SMYD3: variants seen among roughly 807,000 people sequenced by gnomAD.
SMYD3 encodes SET and MYND domain containing 3.
In SMYD3, 36 loss-of-function variants were observed where a neutral mutation model predicts 57.7. The ratio of observed to expected loss-of-function variants is 0.62; its 90% CI spans 0.48 to 0.82. The LOEUF is 0.82. Among genes scored for constraint, SMYD3 ranks in the 40% least tolerant of loss-of-function variants. The pLI, the probability that SMYD3 is intolerant of heterozygous loss-of-function variation, is 0.00. For missense variants in SMYD3, 515 were observed against 538.8 expected (o/e 0.96, Z 0.44); for synonymous variants, 211 against 195.0 (o/e 1.08, Z -0.68).
At chr1:246,457,527 T>C (rs533431402) in intron 1 of SMYD3, among the ~76,000 whole-genome samples, 4 of 52,796 alleles carry the variant, frequency 7.6e-5, no homozygotes, top group East Asian at 7.6e-4. Context: ...AGCGAGACTC[T>C]GCCTCAAAAA....
intron 5 of SMYD3, chr1:246,113,706 G>A (rs2147995329): frequency 6.6e-6 from 1 of 152,272 alleles, no homozygotes; most frequent in East Asian, 1.9e-4. Context: ...GGTTCCTGTG[G>A]ACAGAAACAT....
At chr1:245,978,865 C>A (rs149890408) in intron 5 of SMYD3, among the ~76,000 whole-genome samples, 2 of 152,328 alleles carry the variant, frequency 1.3e-5, no homozygotes, top group African/African-American at 4.8e-5. Context: ...ACTGAGAAGT[C>A]CTTTCCACCT....
intron 10 of SMYD3, among the ~76,000 whole-genome samples, chr1:245,783,003 T>C (rs1423465875): frequency 1.3e-5 from 2 of 152,214 alleles, no homozygotes; most frequent in Non-Finnish European, 2.9e-5. Context: ...CTGTGCACCA[T>C]GTGGGGCTGG....
chr1:246,143,529 A>G lies in SMYD3; in HGVS notation c.531+183672T>C, dbSNP rs112997303. Among the ~76,000 whole-genome samples, 84 of 152,262 alleles carry G rather than the reference A, an allele frequency of 5.5e-4. 1 individual carries two copies. Among genetic ancestry groups the G allele is most frequent in the African/African-American group, 2.0e-3 (82 of 41,570 alleles). Reference sequence around the variant, plus strand: ...TAAAAATACAAAAAATCAGCCGGCTATAGAGGCATGTGGCTACGGTCCCAG... The same window carrying G: ...TAAAAATACAAAAAATCAGCCGGCTGTAGAGGCATGTGGCTACGGTCCCAG... On this transcript the variant is annotated intron_variant, in intron 5 of 11. Coordinates refer to ENST00000490107, the MANE Select transcript of SMYD3 (RefSeq NM_001167740.2).
intron 9 of SMYD3, among the ~76,000 whole-genome samples, chr1:245,859,562 C>T (rs1252367359): frequency 6.6e-6 from 1 of 152,132 alleles, no homozygotes; most frequent in African/African-American, 2.4e-5. Context: ...TTAATCCCTC[C>T]CCAGTGAATT....
intron 1 of SMYD3, among the ~76,000 whole-genome samples, chr1:246,463,814 A>G: frequency 7.9e-6 from 1 of 127,346 alleles, no homozygotes. Flanking sequence ...CCAGCCTGGG[A>G]GACGGCGAGA....
At chr1:245,804,163 G>A (rs938994654) in intron 10 of SMYD3, among the ~76,000 whole-genome samples, 18 of 151,860 alleles carry the variant, frequency 1.2e-4, no homozygotes, top group Admixed American at 4.6e-4. Flanking sequence ...TGCCCATCTC[G>A]GCCTCCCAAA....
intron 5 of SMYD3, among the ~76,000 whole-genome samples, chr1:246,178,015 T>C (rs889576371): frequency 6.6e-6 from 1 of 152,242 alleles, no homozygotes; most frequent in African/African-American, 2.4e-5. Context: ...CCTATTTGAA[T>C]GTTAATTATT....
At chr1:246,214,329 T>C (rs141954313) in intron 5 of SMYD3, among the ~76,000 whole-genome samples, 63 of 152,168 alleles carry the variant, frequency 4.1e-4, no homozygotes, top group African/African-American at 1.4e-3. Context: ...GTCATAGCAA[T>C]CCAGCTATGA....
intron 1 of SMYD3, among the ~76,000 whole-genome samples, chr1:246,441,322 G>C (rs962173797): frequency 1.3e-5 from 2 of 152,116 alleles, no homozygotes; most frequent in African/African-American, 2.4e-5. Context: ...TGCATAATTT[G>C]TAACTACGCT....
chr1:246,352,715 A>G (rs1319181114), intron 2 of SMYD3, among the ~76,000 whole-genome samples: 1 of 152,186 alleles, frequency 6.6e-6, no homozygotes, highest in Non-Finnish European at 1.5e-5. Flanking sequence ...CAGGTAATCA[A>G]AATGACATAC....
chr1:246,333,630 T>C (rs1172666909), intron 3 of SMYD3, among the ~76,000 whole-genome samples: 1 of 151,894 alleles, frequency 6.6e-6, no homozygotes, highest in Non-Finnish European at 1.5e-5. Flanking sequence ...TCCCAGCACT[T>C]GGGGAGGCCT....
At chr1:245,978,572 G>A (rs773278209) in intron 5 of SMYD3, among the ~76,000 whole-genome samples, 4 of 152,146 alleles carry the variant, frequency 2.6e-5, no homozygotes, top group African/African-American at 4.8e-5. Flanking sequence ...GCGGGAGGGC[G>A]GGGGGCAGAG....
Position 245,756,488 on chromosome 1 carries a change from T to C in SMYD3, c.1186-6824A>G, listed in dbSNP as rs369792063. The stretch of plus-strand genomic sequence containing the variant: ...CTGATGTTCCAAGAGCTTTCTTTTA[T>C]CATTTTCTTTCTGTTTAGAGAACTT... On this transcript the variant is annotated intron_variant, in intron 11 of 11. Transcript: ENST00000490107. 1.1e-4 allele frequency among the ~76,000 whole-genome samples: 16 copies of C among 152,136 alleles called. No individual in the cohort carries two copies. The East Asian group carries it at 2.1e-3, about 20-fold the overall frequency.
At chr1:246,460,155 A>G (rs1024681911) in intron 1 of SMYD3, among the ~76,000 whole-genome samples, 32 of 152,322 alleles carry the variant, frequency 2.1e-4, no homozygotes, top group African/African-American at 7.5e-4. Context: ...CATACCAACC[A>G]TAAGTACCAC....
chr1:245,809,055 G>A (rs1193848731), intron 10 of SMYD3, among the ~76,000 whole-genome samples: 2 of 152,074 alleles, frequency 1.3e-5, no homozygotes, highest in Non-Finnish European at 2.9e-5. Flanking sequence ...GCTCCTGGCC[G>A]GTTGTGATTT....
intron 1 of SMYD3, among the ~76,000 whole-genome samples, chr1:246,447,305 G>A (rs143264946): frequency 9.3e-4 from 141 of 152,160 alleles, no homozygotes; most frequent in African/African-American, 3.2e-3. Flanking sequence ...AATAACTTTC[G>A]GAACACTGTG....
intron 1 of SMYD3, among the ~76,000 whole-genome samples, chr1:246,366,956 C>T (rs2066114557): frequency 6.7e-6 from 1 of 149,188 alleles, no homozygotes; most frequent in African/African-American, 2.5e-5. Flanking sequence ...AAAAAAATCA[C>T]CACATGTCAT....
chr1:246,243,298 C>T lies in SMYD3; in HGVS notation c.531+83903G>A, dbSNP rs1291621266. ...CTGCATGTTTTGTCACTTATTTTTT[C>T]CCTCTAGGGGAATATGTTGGTATAT... On this transcript the variant is annotated intron_variant, in intron 5 of 11. Coordinates refer to ENST00000490107, the MANE Select transcript of SMYD3 (RefSeq NM_001167740.2). Among the ~76,000 whole-genome samples the T allele has an allele frequency of 2.0e-5, 3 of 147,940 alleles. No individual in the cohort carries two copies. In the Admixed American group the frequency reaches 2.1e-4, roughly 10 times the overall value.
Sources: allele counts gnomAD v4.1 joint callset (sites outside exome capture counted in the v4.1 genomes callset), GRCh38; gene constraint gnomAD v4.1.1; transcripts MANE v1.5; gene names NCBI Gene and HGNC (gene_info 2026-07-23, HGNC 2026-07-21).